The following ZNF764 variants were observed in gnomAD, a reference collection of about 807,000 sequenced individuals.
ZNF764 encodes zinc finger protein 764.
A neutral mutation model predicts 13.9 loss-of-function variants in ZNF764; 10 were observed. The observed-to-expected ratio is 0.72, with a 90% CI of 0.44 to 1.22. The LOEUF (loss-of-function observed/expected upper bound fraction) is 1.22. Ranked by LOEUF, ZNF764 falls within the 50% of genes most tolerant of loss-of-function variation. The pLI, the probability that ZNF764 is intolerant of heterozygous loss-of-function variation, is 0.00. For synonymous variants in ZNF764, 313 were observed against 255.1 expected, an observed-to-expected ratio of 1.23 and a Z score of -2.16; for missense variants, 647 against 589.7, an observed-to-expected ratio of 1.10 and a Z score of -1.01.
rs749942288 is a variant in ZNF764, at chr16:30,557,874, C to T, written c.197-28G>A. ...AGGGAAGAAGAACGCAAACCCCACG[C>T]TGCGGGGAGGCCACCTGCCCGGCCC... On this transcript the variant is annotated intron_variant, in intron 1 of 2. Transcript: ENST00000395091. 6.9e-6 allele frequency: 11 copies of T among 1,583,364 alleles called. 1 individual carries two copies. The highest frequency in any genetic ancestry group is 1.7e-4 in the Middle Eastern group (1 of 6,018).
At position 30,556,258 on chromosome 16, in the gene ZNF764, CAG is replaced by C. The variant is rs2051555884; in HGVS notation, c.311-153_311-152del. 24 of 906,612 alleles carry C rather than the reference CAG, an allele frequency of 2.6e-5. No individual in the cohort carries two copies. In the South Asian group the frequency reaches 3.8e-4, roughly 14 times the overall value. 56.2% of individuals were successfully genotyped at this position (906,612 alleles called of 1,614,324 possible). A position where few individuals can be genotyped will look rare whatever the true frequency, so the allele number is the denominator to read the frequency against. ...CCTGTTCCTCGGCTGCAGAGCCAGA[CAG>C]AGCCGGGAGGGAGAGAACAGCCCAT... On this transcript the variant is annotated intron_variant, in intron 2 of 2. Transcript: ENST00000395091.
At position 30,553,840 on chromosome 16, in the gene ZNF764, C is replaced by T. The variant is rs2051526390; in HGVS notation, c.*1354G>A. On this transcript the variant is annotated 3_prime_UTR_variant, in exon 3 of 3. Transcript: ENST00000395091. ...CAGAAAACCTGAGTGCTACAGACCACTGTTTGCAAACTCAAATGACCATAG... is the reference window on the plus strand; with the variant it reads ...CAGAAAACCTGAGTGCTACAGACCATTGTTTGCAAACTCAAATGACCATAG... 1 of 152,252 alleles carries T rather than the reference C, an allele frequency of 6.6e-6. No homozygotes were observed. The highest frequency in any genetic ancestry group is 1.5e-5 in the Non-Finnish European group (1 of 68,050). 9.4% of individuals were successfully genotyped at this position (152,252 alleles called of 1,614,324 possible).
rs2051534381 is a variant in ZNF764, at chr16:30,554,916, A to T, written c.*278T>A. The stretch of plus-strand genomic sequence containing the variant: ...TCTCCTCTACCTCAGTCCTCTTAGC[A>T]CCTCTGGGCTGAGAAACAGCTTTTG... On this transcript the variant is annotated 3_prime_UTR_variant, in exon 3 of 3. Transcript: ENST00000395091. The T allele has an allele frequency of 2.3e-6, 1 of 427,386 alleles. No individual in the cohort carries two copies. The highest frequency in any genetic ancestry group is 2.1e-5 in the African/African-American group (1 of 48,630). 26.5% of individuals were successfully genotyped at this position (427,386 alleles called of 1,614,324 possible). A position where few individuals can be genotyped will look rare whatever the true frequency, so the allele number is the denominator to read the frequency against.
At chr16:30,557,108 C>T (rs1243466812) in intron 2 of ZNF764, among the ~76,000 whole-genome samples, 1 of 151,342 alleles carries the variant, frequency 6.6e-6, no homozygotes, top group Admixed American at 6.6e-5. Flanking sequence ...CCACTGCACT[C>T]CAGCCTGCGC....
In ZNF764 at chr16:30,555,078, C is replaced by G; in HGVS notation, c.*116G>C. Reference sequence around the variant, plus strand: ...GGCCCAAGATCAGACTGTCCGCACCCCAGGGCCAGCTCTTGCCCTAGATTC... The same window carrying G: ...GGCCCAAGATCAGACTGTCCGCACCGCAGGGCCAGCTCTTGCCCTAGATTC... On this transcript the variant is annotated 3_prime_UTR_variant, in exon 3 of 3. Coordinates refer to ENST00000395091, the MANE Select transcript of ZNF764 (RefSeq NM_001172679.2). The G allele has an allele frequency of 1.5e-6, 2 of 1,294,848 alleles. No individual in the cohort carries two copies. Among genetic ancestry groups the G allele is most frequent in the Non-Finnish European group, 2.1e-6 (2 of 949,212 alleles). 80.2% of individuals were successfully genotyped at this position (1,294,848 alleles called of 1,614,324 possible).
Position 30,555,845 on chromosome 16 carries a change from C to T in ZNF764, c.573G>A (p.Glu191=). 7 of 1,611,574 alleles carry T rather than the reference C, an allele frequency of 4.3e-6. No homozygotes were observed. The highest frequency in any genetic ancestry group is 5.9e-6 in the Non-Finnish European group (7 of 1,179,778). ...KSFAWRSTLV[E]HVYSHTGEKP... ...TCTCGCCAGTGTGACTGTAGACGTG[C>T]TCCACCAGTGTGGAGCGCCAGGCAA... The change falls in exon 3 of 3, where the codon GAG becomes GAA. Residue 191 remains glutamate, a synonymous_variant. Coordinates refer to ENST00000395091, the MANE Select transcript of ZNF764 (RefSeq NM_001172679.2).
chr16:30,557,901 G>A (rs1386399898), intron 1 of ZNF764, 55 bp from the exon 2 acceptor site: 9 of 1,571,514 alleles, frequency 5.7e-6, no homozygotes, highest in Middle Eastern at 1.7e-4. Flanking sequence ...GCCCGGCCCC[G>A]GGGCCCCCAA....
Position 30,556,067 on chromosome 16 carries a change from C to G in ZNF764, c.351G>C (p.Thr117=), listed in dbSNP as rs765367937. Residue 117 remains threonine, a synonymous_variant, in exon 3 of 3, where the codon ACG becomes ACC. Coordinates refer to ENST00000395091, the MANE Select transcript of ZNF764 (RefSeq NM_001172679.2). ...NKKKERQREG[T]GALEKPDPVA... The stretch of plus-strand genomic sequence containing the variant: ...CAGGGTCGGGCTTCTCCAGGGCTCC[C>G]GTCCCTTCCCTTTGTCTTTCCTTTT... 2.0e-5 allele frequency: 32 copies of G among 1,612,302 alleles called. No individual in the cohort carries two copies. Among genetic ancestry groups the G allele is most frequent in the Admixed American group, 5.0e-5 (3 of 60,004 alleles).
In ZNF764 at chr16:30,555,955, G is replaced by C. The variant is rs747903943; in HGVS notation, c.463C>G (p.His155Asp). The C allele has an allele frequency of 1.9e-6, 3 of 1,611,812 alleles. No individual in the cohort carries two copies. The East Asian group carries it at 6.7e-5, about 36-fold the overall frequency. The change falls in exon 3 of 3, where the codon CAC becomes GAC. Residue 155 changes from histidine to aspartate, a missense_variant. By Grantham distance (81) the His-to-Asp change is moderately conservative. Coordinates refer to ENST00000395091, the MANE Select transcript of ZNF764 (RefSeq NM_001172679.2). ...GCACAGAGGGAGGGGCGTCCCCGGT[G>C]CGGTGCCTTGGACAGCTGCTCCCAA... ...YGWEQLSKAP[H>D]RGRPSLCAHP...
Position 30,558,179 on chromosome 16 carries a change from C to T in ZNF764, c.4G>A (p.Ala2Thr), listed in dbSNP as rs200023668. 6.0e-4 allele frequency: 953 copies of T among 1,586,240 alleles called. 6 individuals carry two copies. The African/African-American group carries it at 0.011, about 19-fold the overall frequency. The part of the protein sequence containing the change: M[A>T]PPLAPLPPRD... ...GGAGGGAGCGGGGCCAGAGGCGGCG[C>T]CATGGTAACTGTCAACCCCGACGAC... is the stretch of plus-strand genomic sequence containing the variant. Residue 2 changes from alanine (A) to threonine (T), a missense_variant, in exon 1 of 3, where the codon GCG (alanine) becomes ACG (threonine). Ala to Thr is a moderately conservative substitution (Grantham distance 58). Coordinates refer to ENST00000395091, the MANE Select transcript of ZNF764 (RefSeq NM_001172679.2).
At position 30,555,524 on chromosome 16, in the gene ZNF764, G is replaced by A. The variant is rs1317905327; in HGVS notation, c.894C>T (p.Pro298=). Residue 298 remains proline, a synonymous_variant, in exon 3 of 3, where the codon CCC becomes CCT. Coordinates refer to ENST00000395091, the MANE Select transcript of ZNF764 (RefSeq NM_001172679.2). ...TGCGCACGTGGCGCCGCAGGTCCGA[G>A]GGGTAGGCGAAGGCGCGGCCACAGT... is the stretch of plus-strand genomic sequence containing the variant. ...CPDCGRAFAY[P]SDLRRHVRTH... is the part of the protein sequence containing the mutation. 6.5e-7 allele frequency: 1 copy of A among 1,536,376 alleles called. No homozygotes were observed.
rs771665344 is a variant in ZNF764, at chr16:30,558,110, C to G, written c.73G>C (p.Ala25Pro). 450 of 1,608,964 alleles carry G rather than the reference C, an allele frequency of 2.8e-4. No homozygotes were observed. The highest frequency in any genetic ancestry group is 3.8e-4 in the Non-Finnish European group (443 of 1,178,912). ...GAGPEWREPG[A>P]VSFADVAVYF... ...ACGGCCACGTCCGCGAAGCTCACAG[C>G]CCCCGGCTCCCTCCACTCGGGTCCG... The change falls in exon 1 of 3, where the codon GCT becomes CCT. Residue 25 changes from alanine (A) to proline (P), a missense_variant. By Grantham distance (27) the Ala-to-Pro change is conservative (BLOSUM62 -1). Coordinates refer to ENST00000395091, the MANE Select transcript of ZNF764 (RefSeq NM_001172679.2).
Position 30,557,851 on chromosome 16 carries a change from GGAA to G in ZNF764, c.197-8_197-6del, listed in dbSNP as rs2051570557. The G allele has an allele frequency of 2.5e-6, 4 of 1,600,088 alleles. No individual in the cohort carries two copies. Among genetic ancestry groups the G allele is most frequent in the Non-Finnish European group, 1.7e-6 (2 of 1,173,130 alleles). On this transcript the variant is annotated splice_region_variant and splice_polypyrimidine_tract_variant and intron_variant, in intron 1 of 2. Coordinates refer to ENST00000395091, the MANE Select transcript of ZNF764 (RefSeq NM_001172679.2). ...CTGGCTTGTTGCCTCCGATTCCTAG[GGAA>G]GAAGAACGCAAACCCCACGCTGCGG...
At position 30,554,843 on chromosome 16, in the gene ZNF764, A is replaced by G. The variant is rs2051533800; in HGVS notation, c.*351T>C. ...ATTGTGTTCTGGGAGGGTCACAAGAATAAAAATAATGATAAAAAATTTAAA... is the reference window on the plus strand; with the variant it reads ...ATTGTGTTCTGGGAGGGTCACAAGAGTAAAAATAATGATAAAAAATTTAAA... On this transcript the variant is annotated 3_prime_UTR_variant, in exon 3 of 3. Transcript: ENST00000395091. 1 of 251,968 alleles carries G rather than the reference A, an allele frequency of 4.0e-6. No individual in the cohort carries two copies. The highest frequency in any genetic ancestry group is 1.4e-4 in the South Asian group (1 of 7,182). The allele number at this position is 251,968 out of a possible 1,614,324, so 15.6% of individuals were successfully genotyped here. A position where few individuals can be genotyped will look rare whatever the true frequency, so the allele number is the denominator to read the frequency against.
At chr16:30,556,368 C>G (rs572945250) in intron 2 of ZNF764, among the ~76,000 whole-genome samples, 3 of 151,912 alleles carry the variant, frequency 2.0e-5, no homozygotes, top group East Asian at 3.9e-4. Flanking sequence ...GAAGGAGGAA[C>G]GGACACCTGA....
chr16:30,555,920 AG>A lies in ZNF764; in HGVS notation c.497del (p.Pro166LeufsTer52). 1.6e-6 allele frequency: 2 copies of A among 1,266,232 alleles called. No individual in the cohort carries two copies. Among genetic ancestry groups the A allele is most frequent in the Non-Finnish European group, 1.1e-6 (1 of 911,578 alleles). 78.4% of individuals were successfully genotyped at this position (1,266,232 alleles called of 1,614,324 possible). ...RGRPSLCAHPPVPRADQRHGC... is the reference protein window; with the variant it reads ...RGRPSLCAHPXVPRADQRHGC... Reference sequence around the variant, plus strand: ...CATGACGCTGGTCAGCTCGGGGGACAGGGGGGTGGGCACAGAGGGAGGGGCG... The same window carrying A: ...CATGACGCTGGTCAGCTCGGGGGACAGGGGGTGGGCACAGAGGGAGGGGCG... On this transcript the variant is annotated frameshift_variant, in exon 3 of 3. Coordinates refer to ENST00000395091, the MANE Select transcript of ZNF764 (RefSeq NM_001172679.2). LOFTEE classifies it low-confidence loss of function (END_TRUNC).
rs112425159 is a variant in ZNF764 at position 30,558,017 on chromosome 16, G to C, written c.166C>G (p.Arg56Gly). The change falls in exon 1 of 3, where the codon CGG (arginine) becomes GGG (glycine). Residue 56 changes from arginine (R) to glycine (G), a missense_variant. Coordinates refer to ENST00000395091, the MANE Select transcript of ZNF764 (RefSeq NM_001172679.2). ...GCGCTCAGGTGGCCGTAGGTCTCCC[G>C]CATCACGTCCCGGTACAGGGCCCTC... ...AQRALYRDVM[R>G]ETYGHLSALG... 5.0e-6 allele frequency: 8 copies of C among 1,609,866 alleles called. No homozygotes were observed. In the Admixed American group the frequency reaches 6.7e-5, roughly 14 times the overall value.
chr16:30,555,918 A>G lies in ZNF764; in HGVS notation c.500T>C (p.Val167Ala), dbSNP rs202070062. ...GCCATGACGCTGGTCAGCTCGGGGG[A>G]CAGGGGGGTGGGCACAGAGGGAGGG... is the stretch of plus-strand genomic sequence containing the variant. Reference protein sequence around the residue: ...GRPSLCAHPPVPRADQRHGCY... With the variant: ...GRPSLCAHPPAPRADQRHGCY... Residue 167 changes from valine (V) to alanine (A), a missense_variant, in exon 3 of 3, where the codon GTC becomes GCC. Transcript: ENST00000395091. The G allele has an allele frequency of 6.2e-7, 1 of 1,610,916 alleles. No homozygotes were observed. The highest frequency in any genetic ancestry group is 1.1e-5 in the South Asian group (1 of 90,962).
chr16:30,556,243 G>A (rs2051555733), intron 2 of ZNF764, 136 bp from the exon 3 acceptor site: 2 of 1,012,114 alleles, frequency 2.0e-6, no homozygotes, highest in Non-Finnish European at 2.9e-6. Flanking sequence ...CCTGTTCCTC[G>A]GCTGCAGAGC....
Sources: allele counts gnomAD v4.1 joint callset (sites outside exome capture counted in the v4.1 genomes callset), GRCh38; gene constraint gnomAD v4.1.1; transcripts MANE v1.5; gene names NCBI Gene and HGNC (gene_info 2026-07-23, HGNC 2026-07-21).